LCTL: variants seen among roughly 807,000 people sequenced by gnomAD.
LCTL encodes lactase like.
A neutral mutation model predicts 75.8 loss-of-function variants in LCTL; 76 were observed. The ratio of observed to expected loss-of-function variants is 1.00; its 90% CI spans 0.83 to 1.21. The LOEUF (loss-of-function observed/expected upper bound fraction) is 1.21. Among genes scored for constraint, LCTL ranks in the 50% most tolerant of loss-of-function variants. LCTL has a pLI of 0.00. For synonymous variants in LCTL, 271 were observed against 268.8 expected, an observed-to-expected ratio of 1.01 and a Z score of -0.08; for missense variants, 670 against 712.4, an observed-to-expected ratio of 0.94 and a Z score of 0.68.
rs373344132 is a variant in LCTL, at chr15:66,560,967, A to C, written c.705+39T>G. The C allele has an allele frequency of 3.6e-5, 58 of 1,591,906 alleles. No individual in the cohort carries two copies. The East Asian group carries it at 4.7e-4, about 13-fold the overall frequency. ...AGAGCCCCTGGGGCAGGCTGAGCTGACCCTGAGGCTGTTCCTCCACCAGAA... is the reference window on the plus strand; with the variant it reads ...AGAGCCCCTGGGGCAGGCTGAGCTGCCCCTGAGGCTGTTCCTCCACCAGAA... On this transcript the variant is annotated intron_variant, in intron 6 of 12. Transcript: ENST00000341509.
chr15:66,565,410 G>A (rs778045059), exon 1 of LCTL: 4 of 1,227,340 alleles, frequency 3.3e-6, no homozygotes, highest in African/African-American at 3.0e-5. Flanking sequence ...AGCTGGCTCT[G>A]CAGGCCCCTG....
intron 6 of LCTL, among the ~76,000 whole-genome samples, chr15:66,559,895 T>C (rs1307829145): frequency 4.6e-5 from 7 of 152,072 alleles, no homozygotes; most frequent in African/African-American, 1.7e-4. Flanking sequence ...AGGACCAGCC[T>C]GGCCAACATG....
chr15:66,560,350 A>C (rs1461669544), intron 6 of LCTL, among the ~76,000 whole-genome samples: 2 of 151,994 alleles, frequency 1.3e-5, no homozygotes, highest in Admixed American at 1.3e-4. Context: ...AATGTGACCC[A>C]ATTCCTTCCC....
intron 8 of LCTL, among the ~76,000 whole-genome samples, chr15:66,554,291 A>AAG (rs1423494644): frequency 1.5e-4 from 21 of 144,466 alleles, no homozygotes; most frequent in Non-Finnish European, 2.8e-4. Flanking sequence ...ACTGTCTCAA[A>AAG]AAAAAAAAAA....
intron 3 of LCTL, 31 bp downstream of exon 4, chr15:66,563,880 C>T (rs1895955625): frequency 1.3e-6 from 2 of 1,574,934 alleles, no homozygotes; most frequent in Non-Finnish European, 8.7e-7. Flanking sequence ...AGGGGCCTCA[C>T]TTGGGTTCAA....
exon 13 of LCTL, chr15:66,548,335 A>T: frequency 2.4e-6 from 1 of 423,456 alleles, no homozygotes. Context: ...TTTATTTTCT[A>T]ATTCTTAAAT....
At chr15:66,554,838 C>T (rs895549684) in intron 8 of LCTL, among the ~76,000 whole-genome samples, 2 of 152,056 alleles carry the variant, frequency 1.3e-5, no homozygotes, top group African/African-American at 2.4e-5. Context: ...CAGAATGTTG[C>T]GTGTAATCAT....
intron 9 of LCTL, 135 bp from the exon 11 acceptor site, chr15:66,552,304 G>A: frequency 1.6e-6 from 1 of 640,232 alleles, no homozygotes; most frequent in South Asian, 2.1e-5. Flanking sequence ...TTTAGTAGAT[G>A]TCAGATAACA....
At chr15:66,556,011 G>T (rs1322901645) in intron 8 of LCTL, among the ~76,000 whole-genome samples, 1 of 152,178 alleles carries the variant, frequency 6.6e-6, no homozygotes, top group Non-Finnish European at 1.5e-5. Context: ...ACAAGTGTTG[G>T]CAAGGATGTG....
chr15:66,558,486 G>A lies in LCTL; in HGVS notation c.706-450C>T, dbSNP rs8026310. Among the ~76,000 whole-genome samples the A allele has an allele frequency of 2.2e-4, 33 of 152,188 alleles. No individual in the cohort carries two copies. In the South Asian group the frequency reaches 3.5e-3, roughly 16 times the overall value. ...CCTGAGGCTATTTCAGCTAGCCACC[G>A]CGCTTGGGTAGGTCAACACCTAAGA... On this transcript the variant is annotated intron_variant, in intron 6 of 12. Transcript: ENST00000341509.
intron 4 of LCTL, among the ~76,000 whole-genome samples, chr15:66,562,259 C>G (rs899531290): frequency 6.6e-6 from 1 of 151,998 alleles, no homozygotes; most frequent in African/African-American, 2.4e-5. Context: ...AAAAATTAGC[C>G]GGGCGTGGTG....
intron 6 of LCTL, among the ~76,000 whole-genome samples, chr15:66,559,033 TG>T (rs1395493687): frequency 6.6e-6 from 1 of 151,952 alleles, no homozygotes; most frequent in Non-Finnish European, 1.5e-5. Flanking sequence ...TTTTGTTTTT[TG>T]TTTTTTTTTT....
rs972764200 is a variant in LCTL at position 66,564,144 on chromosome 15, G to T, written c.283-146C>A. The stretch of plus-strand genomic sequence containing the variant: ...CTGCTTCCTCACCTGTACAACAGAG[G>T]TGATGCCACCTGCCCACTTCATGCA... On this transcript the variant is annotated intron_variant, in intron 2 of 12. Transcript: ENST00000341509. The T allele has an allele frequency of 7.8e-6, 5 of 639,058 alleles. No homozygotes were observed. In the African/African-American group the frequency reaches 9.0e-5, roughly 12 times the overall value. The allele number at this position is 639,058 out of a possible 1,614,324, so 39.6% of individuals were successfully genotyped here.
intron 11 of LCTL, among the ~76,000 whole-genome samples, chr15:66,551,397 CTA>C (rs1305093958): frequency 7.3e-5 from 10 of 136,150 alleles, no homozygotes; most frequent in Non-Finnish European, 3.2e-5. Context: ...TAACATTTAA[CTA>C]TAAGTCTCTA....
chr15:66,560,810 A>G (rs761953834), intron 6 of LCTL, among the ~76,000 whole-genome samples, 196 bp downstream of exon 7: 10 of 152,180 alleles, frequency 6.6e-5, no homozygotes, highest in Non-Finnish European at 1.3e-4. Context: ...GGGAGTCGCT[A>G]TAACAGCTCA....
chr15:66,551,835 C>T lies in LCTL; in HGVS notation c.1351G>A (p.Gly451Arg), dbSNP rs1481230181. The T allele has an allele frequency of 8.1e-6, 13 of 1,613,214 alleles. No individual in the cohort carries two copies. The South Asian group carries it at 1.3e-4, about 16-fold the overall frequency. The change falls in exon 11 of 13, where the codon GGG becomes AGG. Residue 451 changes from glycine to arginine, a missense_variant. Coordinates refer to ENST00000341509, the Ensembl canonical transcript of LCTL. ...TCCAACAGAGACCAGGAAGTATACCCCTTTATATTAGCACCATCTTTTATA... is the reference window on the plus strand; with the variant it reads ...TCCAACAGAGACCAGGAAGTATACCTCTTTATATTAGCACCATCTTTTATA...
At chr15:66,550,821 C>T (rs1895572447) in intron 11 of LCTL, among the ~76,000 whole-genome samples, 1 of 152,018 alleles carries the variant, frequency 6.6e-6, no homozygotes, top group South Asian at 2.1e-4. Context: ...CCAATAGGTG[C>T]AGCAACAGAG....
At chr15:66,557,878 C>A (rs367972462) in exon 8 of LCTL, 20 of 1,613,800 alleles carry the variant, frequency 1.2e-5, no homozygotes, top group Non-Finnish European at 1.7e-5. Context: ...GAAATTCCCA[C>A]CAGACCTTAA....
At chr15:66,557,650 G>T in intron 8 of LCTL, 72 bp downstream of exon 9, 1 of 1,491,800 alleles carries the variant, frequency 6.7e-7, no homozygotes, top group Admixed American at 1.8e-5. Flanking sequence ...TCATCCCCCT[G>T]CCTTTTGCTT....
Sources: allele counts gnomAD v4.1 joint callset (sites outside exome capture counted in the v4.1 genomes callset), GRCh38; gene constraint gnomAD v4.1.1; transcripts MANE v1.5; gene names NCBI Gene and HGNC (gene_info 2026-07-23, HGNC 2026-07-21).